Variants in KCNG4 observed in about 807,000 individuals in gnomAD.
KCNG4 encodes the protein potassium voltage-gated channel modifier subfamily G member 4.
A neutral mutation model predicts 28.2 loss-of-function variants in KCNG4; 30 were observed. The observed-to-expected ratio is 1.06, with a 90% CI of 0.80 to 1.44. The LOEUF is 1.44. Ranked by LOEUF, KCNG4 falls within the 40% of genes most tolerant of loss-of-function variation. The probability of loss-of-function intolerance (pLI) is 0.00; values close to 1 mark genes in which losing one functional copy is unlikely to be tolerated. For synonymous variants in KCNG4, 375 were observed against 315.5 expected, an observed-to-expected ratio of 1.19 and a Z score of -2.00; for missense variants, 879 against 712.3, an observed-to-expected ratio of 1.23 and a Z score of -2.66.
intron 2 of KCNG4, among the ~76,000 whole-genome samples, chr16:84,228,613 C>G (rs181617352): frequency 2.0e-5 from 3 of 152,168 alleles, no homozygotes; most frequent in Non-Finnish European, 2.9e-5. Context: ...CCGCCACCCC[C>G]CCGCCCACTC....
intron 2 of KCNG4, among the ~76,000 whole-genome samples, chr16:84,229,303 G>GA (rs199863982): frequency 9.1e-4 from 127 of 139,644 alleles, no homozygotes; most frequent in African/African-American, 2.2e-3. Context: ...AAAAAAAAAA[G>GA]AAAAAAAAAA....
Position 84,237,450 on chromosome 16 carries a change from G to T in KCNG4, c.36C>A (p.Pro12=), listed in dbSNP as rs755919812. The T allele has an allele frequency of 6.6e-7, 1 of 1,503,982 alleles. No individual in the cohort carries two copies. The highest frequency in any genetic ancestry group is 1.4e-5 in the South Asian group (1 of 71,746). 93.2% of individuals were successfully genotyped at this position (1,503,982 alleles called of 1,614,324 possible). The change falls in exon 2 of 3, where the codon CCC becomes CCA. Residue 12 remains proline, a synonymous_variant. Transcript: ENST00000308251. ...TGTGGGAACCATAGTGGTGGTGTCT[G>T]GGATGCAGGCCCCCGTCTCTGGAAG... ...PMPSRDGGLH[P]RHHHYGSHSP...
intron 2 of KCNG4, among the ~76,000 whole-genome samples, chr16:84,234,335 G>A (rs145785166): frequency 2.3e-3 from 354 of 152,210 alleles, no homozygotes; most frequent in African/African-American, 7.8e-3. Context: ...ACCACACCTG[G>A]CTAATTTTTT....
Position 84,221,414 on chromosome 16 carries a change from G to A in KCNG4, c.*803C>T, listed in dbSNP as rs887656650. ...GTCAAGGCTAAGGACTGGATAACTG[G>A]AGAACACCACACCAAGAGTCCAGGC... On this transcript the variant is annotated 3_prime_UTR_variant, in exon 3 of 3. Coordinates refer to ENST00000308251, the MANE Select transcript of KCNG4 (RefSeq NM_172347.3). 3.3e-5 allele frequency: 5 copies of A among 152,264 alleles called. No homozygotes were observed. The East Asian group carries it at 9.6e-4, about 29-fold the overall frequency. The allele number at this position is 152,264 out of a possible 1,614,324, so 9.4% of individuals were successfully genotyped here. A position where few individuals can be genotyped will look rare whatever the true frequency, so the allele number is the denominator to read the frequency against.
intron 2 of KCNG4, among the ~76,000 whole-genome samples, chr16:84,227,523 G>A (rs558342070): frequency 1.3e-5 from 2 of 152,288 alleles, no homozygotes; most frequent in African/African-American, 4.8e-5. Context: ...GTTGCAGGGA[G>A]CCAAGCTTGT....
chr16:84,239,265 G>C (rs1412246560), intron 1 of KCNG4, among the ~76,000 whole-genome samples: 1 of 152,218 alleles, frequency 6.6e-6, no homozygotes, highest in African/African-American at 2.4e-5. Context: ...TTTGCTCACA[G>C]GGAATGGCCA....
chr16:84,222,459 G>A lies in KCNG4; in HGVS notation c.1318C>T (p.Leu440=). 6.2e-7 allele frequency: 1 copy of A among 1,614,104 alleles called. No individual in the cohort carries two copies. The highest frequency in any genetic ancestry group is 8.5e-7 in the Non-Finnish European group (1 of 1,180,024). ...PGQMVALSSI[L]SGILIMAFPA... is the part of the protein sequence containing the mutation. ...AAGGCCATGATGAGGATCCCGCTCA[G>A]GATGCTGCTGAGGGCCACCATCTGG... The change falls in exon 3 of 3, where the codon CTG becomes TTG. Residue 440 remains leucine, a synonymous_variant. Transcript: ENST00000308251.
At chr16:84,234,128 C>G (rs1056582735) in intron 2 of KCNG4, among the ~76,000 whole-genome samples, 3 of 152,166 alleles carry the variant, frequency 2.0e-5, no homozygotes, top group Non-Finnish European at 4.4e-5. Flanking sequence ...TAGAAGAGCT[C>G]AGGTGCTGGC....
Position 84,219,600 on chromosome 16 carries a change from A to C in KCNG4, c.*2617T>G, listed in dbSNP as rs1904508358. On this transcript the variant is annotated 3_prime_UTR_variant, in exon 3 of 3. Coordinates refer to ENST00000308251, the MANE Select transcript of KCNG4 (RefSeq NM_172347.3). ...AAAATTATCCAGGCGTGGTGGTGGC[A>C]CCTGTAGTCACAGCTACTCAGGAGG... 6.6e-6 allele frequency: 1 copy of C among 151,770 alleles called. No homozygotes were observed. Among genetic ancestry groups the C allele is most frequent in the Non-Finnish European group, 1.5e-5 (1 of 68,004 alleles). The allele number at this position is 151,770 out of a possible 1,614,324, so 9.4% of individuals were successfully genotyped here.
intron 2 of KCNG4, among the ~76,000 whole-genome samples, chr16:84,225,986 A>G (rs781570133): frequency 1.1e-4 from 16 of 152,242 alleles, no homozygotes; most frequent in Non-Finnish European, 2.2e-4. Flanking sequence ...AAAGAAAAAA[A>G]GGGGAAAGAA....
rs186685311 is a variant in KCNG4 at position 84,222,400 on chromosome 16, G to T, written c.1377C>A (p.His459Gln). The change falls in exon 3 of 3, where the codon CAC (histidine) becomes CAA (glutamine). Residue 459 changes from histidine to glutamine, a missense_variant. His to Gln is a conservative substitution (Grantham distance 24). Transcript: ENST00000308251. ...PATSIFHTFS[H>Q]SYLELKKEQE... ...GCTCCTTCTTGAGCTCCAGGTAGGA[G>T]TGGGAGAAGGTGTGGAAGATAGACG... 83 of 1,614,214 alleles carry T rather than the reference G, an allele frequency of 5.1e-5. No individual in the cohort carries two copies. In the East Asian group the frequency reaches 1.7e-3, roughly 34 times the overall value.
rs142484130 is a variant in KCNG4, at chr16:84,222,505, C to T, written c.1272G>A (p.Met424Ile). 8 of 1,613,392 alleles carry T rather than the reference C, an allele frequency of 5.0e-6. No individual in the cohort carries two copies. In the African/African-American group the frequency reaches 1.1e-4, roughly 22 times the overall value. The change falls in exon 3 of 3, where the codon ATG becomes ATA. Residue 424 changes from methionine (M) to isoleucine (I), a missense_variant. Physicochemically the swap from Met to Ile is conservative, Grantham distance 10 (BLOSUM62 1). Transcript: ENST00000308251. ...ISMTTVGYGD[M>I]VPRSVPGQMV... ...TCTGGCCTGGCACACTGCGGGGCAC[C>T]ATGTCCCCGTAGCCCACCGTTGTCA... is the stretch of plus-strand genomic sequence containing the variant.
At chr16:84,235,726 A>G (rs1159995766) in intron 2 of KCNG4, 1 of 152,242 alleles carries the variant, frequency 6.6e-6, no homozygotes, top group African/African-American at 2.4e-5. Context: ...TAGGAGCCAA[A>G]TAGAGCAAGC....
chr16:84,238,764 A>G (rs1019432366), intron 1 of KCNG4, among the ~76,000 whole-genome samples: 10 of 152,174 alleles, frequency 6.6e-5, no homozygotes, highest in African/African-American at 1.7e-4. Context: ...GCTACTCGGG[A>G]GGCTGAGGCA....
At chr16:84,228,924 C>CACG (rs1904761301) in intron 2 of KCNG4, among the ~76,000 whole-genome samples, 12 of 152,134 alleles carry the variant, frequency 7.9e-5, no homozygotes, top group Admixed American at 4.6e-4. Context: ...GATCCATCAC[C>CACG]GGCTCTCCAC....
chr16:84,228,617 C>T (rs1003355907), intron 2 of KCNG4, among the ~76,000 whole-genome samples: 16 of 152,152 alleles, frequency 1.1e-4, no homozygotes, highest in South Asian at 4.1e-4. Flanking sequence ...CACCCCCCCG[C>T]CCACTCCTTC....
rs992748770 is a variant in KCNG4, at chr16:84,222,257, A to G, written c.1520T>C (p.Leu507Pro). The G allele has an allele frequency of 4.3e-6, 7 of 1,614,178 alleles. No individual in the cohort carries two copies. Among genetic ancestry groups the G allele is most frequent in the Non-Finnish European group, 5.9e-6 (7 of 1,180,030 alleles). ...AGGCAAGGCTGGGCCCTCCAGGATTAGGTCATTGACATCGTTCATGAGCTC... is the reference window on the plus strand; with the variant it reads ...AGGCAAGGCTGGGCCCTCCAGGATTGGGTCATTGACATCGTTCATGAGCTC... ...EHELMNDVND[L>P]ILEGPALPIM... The change falls in exon 3 of 3, where the codon CTA (leucine) becomes CCA (proline). Residue 507 changes from leucine (L) to proline (P), a missense_variant. Leu to Pro is a moderately conservative substitution (Grantham distance 98). Coordinates refer to ENST00000308251, the MANE Select transcript of KCNG4 (RefSeq NM_172347.3).
Position 84,222,751 on chromosome 16 carries a change from C to T in KCNG4, c.1026G>A (p.Leu342=), listed in dbSNP as rs1213897563. The change falls in exon 3 of 3, where the codon CTG becomes CTA. Residue 342 remains leucine, a synonymous_variant. Coordinates refer to ENST00000308251, the MANE Select transcript of KCNG4 (RefSeq NM_172347.3). ...VGLVLRVLRA[L]RILYVMRLAR... is the part of the protein sequence containing the mutation. ...CCAGGCGCATCACGTAGAGGATGCG[C>T]AGCGCTCGCAGCACACGCAGGACCA... is the stretch of plus-strand genomic sequence containing the variant. 1.2e-6 allele frequency: 2 copies of T among 1,612,150 alleles called. No homozygotes were observed. The highest frequency in any genetic ancestry group is 2.7e-5 in the African/African-American group (2 of 75,018).
Position 84,236,753 on chromosome 16 carries a change from C to G in KCNG4, c.733G>C (p.Asp245His). 1.9e-6 allele frequency: 3 copies of G among 1,612,916 alleles called. No individual in the cohort carries two copies. Among genetic ancestry groups the G allele is most frequent in the Admixed American group, 1.7e-5 (1 of 59,976 alleles). ...ACCTGGTCCTCCTCTGCCCTGAGGT[C>G]GGGCATGGTGCTGACACACAGGCTG... is the stretch of plus-strand genomic sequence containing the variant. ...AVSLCVSTMP[D>H]LRAEEDQGEC... Residue 245 changes from aspartate to histidine, a missense_variant, in exon 2 of 3, where the codon GAC (aspartate) becomes CAC (histidine). Transcript: ENST00000308251.
Sources: allele counts gnomAD v4.1 joint callset (sites outside exome capture counted in the v4.1 genomes callset), GRCh38; gene constraint gnomAD v4.1.1; transcripts MANE v1.5; gene names NCBI Gene and HGNC (gene_info 2026-07-23, HGNC 2026-07-21).